ARHGEF2: variants seen among roughly 807,000 people sequenced by gnomAD.
ARHGEF2 encodes Rho/Rac guanine nucleotide exchange factor 2, also known as rho guanine nucleotide exchange factor 2.
Under a neutral mutation model 121.0 loss-of-function variants are expected in ARHGEF2, and 22 were observed. The observed-to-expected ratio is 0.18, with a 90% CI of 0.13 to 0.26. The LOEUF is 0.26. Ranked by LOEUF, ARHGEF2 falls within the 10% of genes least tolerant of loss-of-function variation. The pLI is 1.00. For missense variants in ARHGEF2, 907 were observed against 1,336.0 expected (o/e 0.68, Z 5.01); for synonymous variants, 487 against 530.0 (o/e 0.92, Z 1.11).
Position 155,965,468 on chromosome 1 carries a change from C to G in ARHGEF2, c.471-56G>C. The G allele has an allele frequency of 6.3e-7, 1 of 1,595,098 alleles. No homozygotes were observed. Among genetic ancestry groups the G allele is most frequent in the Non-Finnish European group, 8.6e-7 (1 of 1,163,202 alleles). On this transcript the variant is annotated intron_variant, in intron 5 of 21. Transcript: ENST00000361247. The surrounding 1 kb of genome is among the most constrained non-coding windows in gnomAD (Gnocchi z 6.0). ...CCCAGTCGGGCAAAAGATCCCTTCC[C>G]AGGTAGGGAACCAAAGCCAGGATCC... is the stretch of plus-strand genomic sequence containing the variant.
chr1:155,978,800 C>T (rs1390483161), upstream of ARHGEF2: 109 of 947,004 alleles, frequency 1.2e-4, no homozygotes, highest in Non-Finnish European at 1.3e-4. This position sits in a 1 kb window ranked among gnomAD's most constrained non-coding sequence, Gnocchi z 4.1. Context: ...CTCTTCTTTT[C>T]CTAAAACCCA....
Position 155,948,666 on chromosome 1 carries a change from T to C in ARHGEF2, c.2888-651A>G, listed in dbSNP as rs185823366. 2.6e-3 allele frequency among the ~76,000 whole-genome samples: 392 copies of C among 152,094 alleles called. 1 individual carries two copies. Among genetic ancestry groups the C allele is most frequent in the Admixed American group, 4.3e-3 (65 of 15,264 alleles). The stretch of plus-strand genomic sequence containing the variant: ...ACAAAACAAAACAAAAAACTATACC[T>C]TCCCAGGCACAGTGGTATGTACCTG... On this transcript the variant is annotated intron_variant, in intron 21 of 21. Transcript: ENST00000361247.
At position 155,978,010 on chromosome 1, in the gene ARHGEF2, C is replaced by T. The variant is rs991045977; in HGVS notation, c.63+355G>A. Reference sequence around the variant, plus strand: ...CCCGGGGTGAGAGGAGGTGCCGGAGCTTCCACCGCCCCCACCCGCGAGACA... The same window carrying T: ...CCCGGGGTGAGAGGAGGTGCCGGAGTTTCCACCGCCCCCACCCGCGAGACA... On this transcript the variant is annotated intron_variant, in intron 1 of 21. Transcript: ENST00000361247. The surrounding 1 kb of genome is among the most constrained non-coding windows in gnomAD (Gnocchi z 4.1). The T allele has an allele frequency of 2.1e-6, 2 of 951,982 alleles. No homozygotes were observed. The highest frequency in any genetic ancestry group is 1.7e-5 in the African/African-American group (1 of 58,048). 59.0% of individuals were successfully genotyped at this position (951,982 alleles called of 1,614,324 possible). A position where few individuals can be genotyped will look rare whatever the true frequency, so the allele number is the denominator to read the frequency against.
At position 155,965,181 on chromosome 1, in the gene ARHGEF2, G is replaced by T; in HGVS notation, c.581-50C>A. 1 of 1,610,198 alleles carries T rather than the reference G, an allele frequency of 6.2e-7. No individual in the cohort carries two copies. Among genetic ancestry groups the T allele is most frequent in the Non-Finnish European group, 8.5e-7 (1 of 1,177,242 alleles). ...TCAGAGGTCTTGAGTTCCCTTCCCT[G>T]GGTCCCTGGCCCTTCTCTAGATCCC... On this transcript the variant is annotated intron_variant, in intron 6 of 21. Transcript: ENST00000361247. The surrounding 1 kb of genome is among the most constrained non-coding windows in gnomAD (Gnocchi z 6.0).
chr1:155,963,112 G>C lies in ARHGEF2; in HGVS notation c.796C>G (p.Leu266Val), dbSNP rs1678299711. The C allele has an allele frequency of 1.2e-6, 2 of 1,613,958 alleles. No individual in the cohort carries two copies. Among genetic ancestry groups the C allele is most frequent in the East Asian group, 2.2e-5 (1 of 44,866 alleles). The change falls in exon 8 of 22, where the codon CTG (leucine) becomes GTG (valine). Residue 266 changes from leucine (L) to valine (V), a missense_variant. Around this residue, in one of 2 missense-constraint regions of ARHGEF2, gnomAD observed 475 missense variants for 776.5 expected, o/e 0.61. Transcript: ENST00000361247. ...CCTGGCTCCAAGTGTAGCTCTTCCA[G>C]CATCCCCGTGCGGAAGAGGCGGGTC... ...IMTRLFRTGM[L>V]EELHLEPGVV...
intron 1 of ARHGEF2, chr1:155,970,552 A>T: frequency 1.0e-6 from 1 of 985,528 alleles, no homozygotes; most frequent in Non-Finnish European, 1.2e-6. Flanking sequence ...CAGATGGCTG[A>T]GGGTAGAAGC....
At chr1:155,976,147 T>A (rs185954924) in intron 1 of ARHGEF2, among the ~76,000 whole-genome samples, 53 of 151,274 alleles carry the variant, frequency 3.5e-4, no homozygotes, top group African/African-American at 1.2e-3. Context: ...CTGTGACCCA[T>A]CCCCCCAAGG....
chr1:155,950,259 T>A lies in ARHGEF2; in HGVS notation c.2887+40A>T. On this transcript the variant is annotated intron_variant, in intron 21 of 21. Coordinates refer to ENST00000361247, the MANE Select transcript of ARHGEF2 (RefSeq NM_001162383.2). This position sits in a 1 kb window ranked among gnomAD's most constrained non-coding sequence, Gnocchi z 5.2. ...ACAGCCCAATGGCCTGTACCCAGGC[T>A]GCACTCTACCTCTGGTCCATGTCTC... is the stretch of plus-strand genomic sequence containing the variant. 6.2e-7 allele frequency: 1 copy of A among 1,605,228 alleles called. No homozygotes were observed. The highest frequency in any genetic ancestry group is 8.5e-7 in the Non-Finnish European group (1 of 1,178,204).
upstream of ARHGEF2, among the ~76,000 whole-genome samples, chr1:155,979,449 C>G (rs1260144921): frequency 1.3e-5 from 2 of 152,228 alleles, no homozygotes; most frequent in Non-Finnish European, 2.9e-5. Flanking sequence ...CCTGAGCCAG[C>G]CTTTGGGTGA....
chr1:155,970,745 AG>A (rs1424683734), intron 1 of ARHGEF2: 1 of 985,658 alleles, frequency 1.0e-6, no homozygotes, highest in Non-Finnish European at 1.2e-6. Flanking sequence ...GTAGAAAGAA[AG>A]GGGAAGTGTG....
Position 155,947,115 on chromosome 1 carries a change from T to C in ARHGEF2, c.*827A>G. On this transcript the variant is annotated 3_prime_UTR_variant, in exon 22 of 22. Coordinates refer to ENST00000361247, the MANE Select transcript of ARHGEF2 (RefSeq NM_001162383.2). ...AGGTCAGTATAGGTCCCCCCGTTAC[T>C]GCAGATGAAGGCAGAAGTCATTCTC... 1 of 348,602 alleles carries C rather than the reference T, an allele frequency of 2.9e-6. No individual in the cohort carries two copies. The highest frequency in any genetic ancestry group is 5.7e-6 in the Non-Finnish European group (1 of 176,892). 21.6% of individuals were successfully genotyped at this position (348,602 alleles called of 1,614,324 possible).
chr1:155,950,603 G>A lies in ARHGEF2; in HGVS notation c.2704-121C>T. 9.0e-7 allele frequency: 1 copy of A among 1,107,088 alleles called. No homozygotes were observed. The highest frequency in any genetic ancestry group is 1.3e-6 in the Non-Finnish European group (1 of 763,552). 68.6% of individuals were successfully genotyped at this position (1,107,088 alleles called of 1,614,324 possible). On this transcript the variant is annotated intron_variant, in intron 20 of 21. Transcript: ENST00000361247. The surrounding 1 kb of genome is among the most constrained non-coding windows in gnomAD (Gnocchi z 5.2). ...GGGCTCACCCATGAGTCCCCTTCAG[G>A]AGATCCACCACCAACTGGCCTCTTT...
intron 21 of ARHGEF2, among the ~76,000 whole-genome samples, chr1:155,948,317 T>C (rs886395395): frequency 6.6e-6 from 1 of 152,226 alleles, no homozygotes; most frequent in African/African-American, 2.4e-5. Context: ...CTGTAAAAAC[T>C]TGAAGTTCTT....
At position 155,963,068 on chromosome 1, in the gene ARHGEF2, G is replaced by A; in HGVS notation, c.840C>T (p.Phe280=). ...TGTCACTGAGCTCGTCCACGCAGGGGAACAGGCCCTGGACCACTCCTGGCT... is the reference window on the plus strand; with the variant it reads ...TGTCACTGAGCTCGTCCACGCAGGGAAACAGGCCCTGGACCACTCCTGGCT... The part of the protein sequence containing the change: ...HLEPGVVQGL[F]PCVDELSDIH... The change falls in exon 8 of 22, where the codon TTC becomes TTT. Residue 280 remains phenylalanine (F), a synonymous_variant. Transcript: ENST00000361247. 1.9e-6 allele frequency: 3 copies of A among 1,614,144 alleles called. No individual in the cohort carries two copies. The highest frequency in any genetic ancestry group is 2.5e-6 in the Non-Finnish European group (3 of 1,180,016).
upstream of ARHGEF2, chr1:155,979,376 C>G (rs1182013749): frequency 1.0e-6 from 1 of 962,744 alleles, no homozygotes; most frequent in African/African-American, 1.8e-5. Flanking sequence ...TAGGGCCCAA[C>G]CAGCCTCTCC....
chr1:155,965,179 C>T lies in ARHGEF2; in HGVS notation c.581-48G>A. The T allele has an allele frequency of 5.0e-6, 8 of 1,610,468 alleles. No homozygotes were observed. Among genetic ancestry groups the T allele is most frequent in the Non-Finnish European group, 6.8e-6 (8 of 1,177,412 alleles). On this transcript the variant is annotated intron_variant, in intron 6 of 21. Transcript: ENST00000361247. This position sits in a 1 kb window ranked among gnomAD's most constrained non-coding sequence, Gnocchi z 6.0. ...ACTCAGAGGTCTTGAGTTCCCTTCC[C>T]TGGGTCCCTGGCCCTTCTCTAGATC... is the stretch of plus-strand genomic sequence containing the variant.
At chr1:155,979,470 A>C (rs569945166), upstream of ARHGEF2, among the ~76,000 whole-genome samples, 1 of 152,310 alleles carries the variant, frequency 6.6e-6, no homozygotes, top group South Asian at 2.1e-4. Context: ...GTTTCCTGCT[A>C]TTGGGAAAAT....
rs781028857 is a variant in ARHGEF2 at position 155,962,602 on chromosome 1, T to C, written c.1092A>G (p.Gln364=). Residue 364 remains glutamine, a synonymous_variant, in exon 9 of 22, where the codon CAA becomes CAG. Coordinates refer to ENST00000361247, the MANE Select transcript of ARHGEF2 (RefSeq NM_001162383.2). The surrounding 1 kb of genome is among the most constrained non-coding windows in gnomAD (Gnocchi z 5.8). ...ELYARDKRFQ[Q]FIRKVTRPAV... Reference sequence around the variant, plus strand: ...GGAGAGGTCCGCTCACCCGGATGAATTGCTGGAAGCGTTTGTCTCGGGCGT... The same window carrying C: ...GGAGAGGTCCGCTCACCCGGATGAACTGCTGGAAGCGTTTGTCTCGGGCGT... 9.3e-6 allele frequency: 15 copies of C among 1,613,790 alleles called. No individual in the cohort carries two copies. The highest frequency in any genetic ancestry group is 9.3e-6 in the Non-Finnish European group (11 of 1,179,982).
At chr1:155,964,746 C>G (rs1264709784) in intron 7 of ARHGEF2, among the ~76,000 whole-genome samples, 1 of 151,818 alleles carries the variant, frequency 6.6e-6, no homozygotes, top group African/African-American at 2.4e-5. Flanking sequence ...ATGGTGAAAC[C>G]CCGTCTCTAC....
Sources: allele counts gnomAD v4.1 joint callset (sites outside exome capture counted in the v4.1 genomes callset), GRCh38; gene constraint gnomAD v4.1.1; regional missense constraint gnomAD v4.1.1; non-coding constraint Gnocchi (gnomAD v3.1); transcripts MANE v1.5; gene names NCBI Gene and HGNC (gene_info 2026-07-23, HGNC 2026-07-21).